The following TCERG1 variants were observed in gnomAD, a reference collection of about 807,000 sequenced individuals.
The protein encoded by TCERG1 is TATA box binding protein (TBP)-associated factor, RNA polymerase II, S, 150kD.
A neutral mutation model predicts 144.7 loss-of-function variants in TCERG1; 37 were observed. That is an observed-to-expected ratio of 0.26 (90% CI 0.20 to 0.34). The LOEUF is 0.34. TCERG1 is among the 10% of genes least tolerant of loss of function. The probability of loss-of-function intolerance (pLI) is 1.00; values close to 1 mark genes in which losing one functional copy is unlikely to be tolerated. For synonymous variants in TCERG1, 492 were observed against 458.2 expected (o/e 1.07, Z -0.94); for missense variants, 1,027 against 1,380.7 (o/e 0.74, Z 4.06).
intron 4 of TCERG1, among the ~76,000 whole-genome samples, chr5:146,459,790 C>T (rs540490711): frequency 9.2e-5 from 14 of 152,252 alleles, no homozygotes; most frequent in Non-Finnish European, 1.3e-4. Context: ...GGGTATTTAT[C>T]ATGAAGGAAA....
chr5:146,503,736 G>C, intron 18 of TCERG1, 88 bp from the exon 19 acceptor site: 1 of 1,475,892 alleles, frequency 6.8e-7, no homozygotes, highest in East Asian at 2.3e-5. Context: ...ACTAGATTTG[G>C]AATTTTTTAT....
intron 6 of TCERG1, 110 bp downstream of exon 6, chr5:146,468,513 A>G (rs1019774802): frequency 4.0e-6 from 4 of 1,003,730 alleles, no homozygotes; most frequent in South Asian, 1.8e-5. Flanking sequence ...ATATTTTTAT[A>G]TTTTTCTTTT....
intron 15 of TCERG1, among the ~76,000 whole-genome samples, chr5:146,491,435 G>A (rs558475769): frequency 6.6e-6 from 1 of 152,218 alleles, no homozygotes; most frequent in African/African-American, 2.4e-5. Flanking sequence ...GTAGAGGCCA[G>A]GGATGCTGGT....
At chr5:146,453,038 T>G (rs1762494719) in intron 1 of TCERG1, among the ~76,000 whole-genome samples, 1 of 152,204 alleles carries the variant, frequency 6.6e-6, no homozygotes, top group South Asian at 2.1e-4. Flanking sequence ...GAAAAGAGCT[T>G]AGAGCAAGCA....
At chr5:146,497,871 A>G (rs1294014567) in intron 16 of TCERG1, among the ~76,000 whole-genome samples, 1 of 152,114 alleles carries the variant, frequency 6.6e-6, no homozygotes, top group Non-Finnish European at 1.5e-5. Context: ...GTAGCTTGAT[A>G]TATAGAGTGA....
At chr5:146,484,315 C>A (rs916105283) in intron 15 of TCERG1, among the ~76,000 whole-genome samples, 1 of 152,128 alleles carries the variant, frequency 6.6e-6, no homozygotes, top group Admixed American at 6.5e-5. Flanking sequence ...GTGATTGCCT[C>A]TTCTAAAGCA....
intron 16 of TCERG1, among the ~76,000 whole-genome samples, chr5:146,496,605 C>CATT: frequency 6.6e-6 from 1 of 152,148 alleles, no homozygotes; most frequent in Middle Eastern, 3.4e-3. Context: ...TTTGTTCATT[C>CATT]ATTTTTAGAC....
intron 15 of TCERG1, among the ~76,000 whole-genome samples, chr5:146,491,430 G>C (rs1013566590): frequency 2.0e-5 from 3 of 152,116 alleles, no homozygotes; most frequent in African/African-American, 7.2e-5. Context: ...AGTGGGTAGA[G>C]GCCAGGGATG....
Position 146,507,104 on chromosome 5 carries a change from T to C in TCERG1, c.2858T>C (p.Leu953Ser). ...GATCACCGCTGGGAATCTGGATCCT[T>C]ATTGGAAAGAGAGGAGAAAGAGAAG... ...RKDHRWESGS[L>S]LEREEKEKLF... Residue 953 changes from leucine to serine, a missense_variant, in exon 20 of 23, where the codon TTA becomes TCA. Leu to Ser is a moderately radical substitution (Grantham distance 145). Transcript: ENST00000679501. This position sits in a 1 kb window ranked among gnomAD's most constrained non-coding sequence, Gnocchi z 4.6. The C allele has an allele frequency of 6.2e-7, 1 of 1,613,710 alleles. No homozygotes were observed. The highest frequency in any genetic ancestry group is 1.1e-5 in the South Asian group (1 of 91,004).
In TCERG1 at chr5:146,498,702, T is replaced by A; in HGVS notation, c.2433+16T>A. ...AGGTGAGAAGGTAAGATGGTTTTAG[T>A]TCCAGTGGTGTGATTGATGGGAGTG... On this transcript the variant is annotated intron_variant, in intron 17 of 22. Transcript: ENST00000679501. 6.2e-7 allele frequency: 1 copy of A among 1,602,484 alleles called. No individual in the cohort carries two copies. Among genetic ancestry groups the A allele is most frequent in the Non-Finnish European group, 8.5e-7 (1 of 1,175,718 alleles).
chr5:146,494,787 G>A (rs769731960), intron 16 of TCERG1, among the ~76,000 whole-genome samples: 3 of 152,188 alleles, frequency 2.0e-5, no homozygotes, highest in Middle Eastern at 3.4e-3. Flanking sequence ...TTACTGAACT[G>A]TGCCTGTCTC....
chr5:146,478,643 G>A lies in TCERG1; in HGVS notation c.1752G>A (p.Leu584=), dbSNP rs770643641. ...CTCATAAAAAAGGAATGGAGGAATT[G>A]AAGAAACTAAGTAAGTTTTAAATTA... ...EPPHKKGMEE[L]KKLRHPTPTM... Residue 584 remains leucine (L), a synonymous_variant, in exon 10 of 23, where the codon TTG becomes TTA. Coordinates refer to ENST00000679501, the MANE Select transcript of TCERG1 (RefSeq NM_001382548.1). 5 of 1,583,754 alleles carry A rather than the reference G, an allele frequency of 3.2e-6. No homozygotes were observed. The highest frequency in any genetic ancestry group is 4.3e-6 in the Non-Finnish European group (5 of 1,171,162).
chr5:146,477,528 G>A (rs1408637822), intron 9 of TCERG1, among the ~76,000 whole-genome samples: 7 of 151,738 alleles, frequency 4.6e-5, no homozygotes, highest in South Asian at 2.1e-4. Flanking sequence ...GCTGTCCTCC[G>A]TATTGCTTTC....
intron 18 of TCERG1, 39 bp from the exon 19 acceptor site, chr5:146,503,785 G>C (rs1767698224): frequency 6.5e-7 from 1 of 1,541,342 alleles, no homozygotes; most frequent in Non-Finnish European, 8.7e-7. Flanking sequence ...TATTTTGATG[G>C]AGTTGGTAAG....
At chr5:146,502,794 T>G (rs1767611148) in intron 17 of TCERG1, among the ~76,000 whole-genome samples, 1 of 152,176 alleles carries the variant, frequency 6.6e-6, no homozygotes, top group Admixed American at 6.5e-5. Context: ...CATATCAAGG[T>G]GTACAGCTGC....
intron 10 of TCERG1, 50 bp downstream of exon 10, chr5:146,478,703 A>G: frequency 6.7e-7 from 1 of 1,486,190 alleles, no homozygotes. Flanking sequence ...TTCTTTTCAT[A>G]TTTTGATAGA....
At chr5:146,498,473 T>C (rs1767139220) in intron 16 of TCERG1, 63 bp from the exon 17 acceptor site, 1 of 1,516,748 alleles carries the variant, frequency 6.6e-7, no homozygotes, top group African/African-American at 1.4e-5. Context: ...TGGTATCTTC[T>C]GCTATGCCTT....
chr5:146,452,956 CT>C, intron 1 of TCERG1, among the ~76,000 whole-genome samples: 1 of 152,094 alleles, frequency 6.6e-6, no homozygotes, highest in Admixed American at 6.6e-5. Flanking sequence ...TGCTTTAGTT[CT>C]TTATCTATAA....
chr5:146,451,087 G>A (rs1050959782), intron 1 of TCERG1, among the ~76,000 whole-genome samples: 20 of 152,182 alleles, frequency 1.3e-4, no homozygotes, highest in African/African-American at 4.8e-4. Context: ...GTATGAAATT[G>A]TACAGAAATG....
Sources: gnomAD v4.1 joint callset for allele counts (sites outside exome capture counted in the v4.1 genomes callset) on GRCh38, gnomAD v4.1.1 for gene constraint, Gnocchi (gnomAD v3.1) non-coding constraint, MANE v1.5 for transcripts, NCBI Gene and HGNC (gene_info 2026-07-23, HGNC 2026-07-21) for gene names.